Variants in DLG2 observed in about 807,000 individuals in gnomAD.
The protein encoded by DLG2 is discs large MAGUK scaffold protein 2.
In DLG2, 45 loss-of-function variants were observed where a neutral mutation model predicts 132.5. The observed-to-expected ratio is 0.34, with a 90% CI of 0.27 to 0.44. The LOEUF (loss-of-function observed/expected upper bound fraction) is 0.44, where lower values mean the gene tolerates loss of function less well. DLG2 is among the 20% of genes least tolerant of loss of function. DLG2 has a pLI of 1.00. For synonymous variants in DLG2, 424 were observed against 419.6 expected (o/e 1.01, Z -0.13); for missense variants, 1,045 against 1,196.9 (o/e 0.87, Z 1.87).
chr11:84,181,167 A>T (rs1345387321), intron 8 of DLG2, among the ~76,000 whole-genome samples: 2 of 151,808 alleles, frequency 1.3e-5, no homozygotes, highest in East Asian at 3.8e-4. Flanking sequence ...ACTTATAATC[A>T]TGTATGATTA....
rs187085911 is a variant in DLG2, at chr11:84,482,585, T to C, written c.519+51985A>G. On this transcript the variant is annotated intron_variant, in intron 7 of 27. Coordinates refer to ENST00000376104, the MANE Select transcript of DLG2 (RefSeq NM_001142699.3). ...ACTGTTGAGAGGTTACACAAGATCA[T>C]TAATGAGAAAGTACTTTGTAAATGT... Among the ~76,000 whole-genome samples the C allele has an allele frequency of 1.0e-3, 156 of 152,316 alleles. 1 individual carries two copies. The highest frequency in any genetic ancestry group is 3.4e-3 in the Middle Eastern group (1 of 294).
intron 6 of DLG2, among the ~76,000 whole-genome samples, chr11:84,664,795 T>G (rs147371921): frequency 5.3e-5 from 8 of 152,118 alleles, no homozygotes; most frequent in Admixed American, 5.2e-4. Context: ...TACAAAATAA[T>G]ATGAAGATGC....
chr11:85,499,697 A>T (rs77208683), intron 3 of DLG2, among the ~76,000 whole-genome samples: 1 of 152,222 alleles, frequency 6.6e-6, no homozygotes, highest in Non-Finnish European at 1.5e-5. Context: ...AAAATCCTCA[A>T]TAAAATACTG....
At chr11:85,080,297 CTTGT>C (rs770312074) in intron 6 of DLG2, among the ~76,000 whole-genome samples, 18 of 151,866 alleles carry the variant, frequency 1.2e-4, no homozygotes, top group African/African-American at 2.4e-4. Context: ...GTAATCTTTT[CTTGT>C]TTGTTTGTTT....
chr11:84,625,359 G>A (rs1225677333), intron 6 of DLG2, among the ~76,000 whole-genome samples: 2 of 152,134 alleles, frequency 1.3e-5, no homozygotes, highest in African/African-American at 2.4e-5. Flanking sequence ...TTACCAAGTG[G>A]CCGCTCCATT....
intron 11 of DLG2, among the ~76,000 whole-genome samples, chr11:84,032,855 T>A (rs1319460752): frequency 6.6e-6 from 1 of 152,102 alleles, no homozygotes; most frequent in Non-Finnish European, 1.5e-5. Flanking sequence ...CTGGAGCCCT[T>A]AAGAATTATG....
chr11:85,467,734 G>A (rs1033296523), intron 3 of DLG2, among the ~76,000 whole-genome samples: 8 of 152,070 alleles, frequency 5.3e-5, no homozygotes, highest in Non-Finnish European at 8.8e-5. Context: ...GAGGATTTTT[G>A]CATCGATGTT....
chr11:83,558,854 T>TGTGC (rs1223974271), intron 19 of DLG2, among the ~76,000 whole-genome samples: 1 of 134,482 alleles, frequency 7.4e-6, no homozygotes, highest in Non-Finnish European at 1.5e-5. Context: ...ATGTCGTGTG[T>TGTGC]GTGTGTGTGT....
chr11:84,593,038 G>A (rs1274002215), intron 6 of DLG2, among the ~76,000 whole-genome samples: 1 of 139,670 alleles, frequency 7.2e-6, no homozygotes, highest in Non-Finnish European at 1.5e-5. Flanking sequence ...AGAATCACTT[G>A]AACCCAGGAG....
At chr11:84,364,011 A>G (rs1044174347) in intron 7 of DLG2, among the ~76,000 whole-genome samples, 4 of 152,128 alleles carry the variant, frequency 2.6e-5, no homozygotes, top group Non-Finnish European at 5.9e-5. Flanking sequence ...TTGGTTCCAT[A>G]TGAACTTTAA....
intron 19 of DLG2, among the ~76,000 whole-genome samples, chr11:83,583,792 G>C (rs1435930705): frequency 4.6e-5 from 7 of 152,088 alleles, no homozygotes; most frequent in Non-Finnish European, 8.8e-5. Context: ...CATTAATAAA[G>C]TAATGAATGA....
intron 3 of DLG2, among the ~76,000 whole-genome samples, chr11:85,297,144 C>T (rs150847654): frequency 3.3e-5 from 5 of 152,104 alleles, no homozygotes; most frequent in African/African-American, 4.8e-5. Flanking sequence ...CCCCAACTTC[C>T]CCAATAACTA....
intron 8 of DLG2, among the ~76,000 whole-genome samples, chr11:84,237,430 T>C (rs529472540): frequency 6.6e-6 from 1 of 152,198 alleles, no homozygotes. Context: ...ATTTGACCTA[T>C]CTGAATTTGT....
chr11:84,490,886 CGTGT>C (rs113318666), intron 7 of DLG2, among the ~76,000 whole-genome samples: 18 of 147,940 alleles, frequency 1.2e-4, no homozygotes, highest in South Asian at 2.2e-4. Flanking sequence ...TGAATGGTTG[CGTGT>C]GTGTGTGTGT....
rs544518708 is a variant in DLG2, at chr11:85,054,262, T to TA, written c.357+57398dup. Among the ~76,000 whole-genome samples the TA allele has an allele frequency of 6.6e-3, 821 of 124,186 alleles. 4 individuals carry two copies. The highest frequency in any genetic ancestry group is 0.013 in the Middle Eastern group (3 of 236). 81.5% of individuals were successfully genotyped at this position (124,186 alleles called of 152,430 possible). ...CCTGGCGACAGAACGAGATTCCACC[T>TA]AAAAAAAAAAAAAAGAAAGAAAAGA... On this transcript the variant is annotated intron_variant, in intron 6 of 27. Coordinates refer to ENST00000376104, the MANE Select transcript of DLG2 (RefSeq NM_001142699.3).
intron 4 of DLG2, among the ~76,000 whole-genome samples, chr11:85,172,312 G>A (rs1211632301): frequency 6.6e-6 from 1 of 152,210 alleles, no homozygotes; most frequent in African/African-American, 2.4e-5. Flanking sequence ...TCCAGGTGCT[G>A]AAGGGAACAA....
intron 4 of DLG2, among the ~76,000 whole-genome samples, chr11:85,223,026 G>C (rs2074754017): frequency 6.6e-6 from 1 of 152,154 alleles, no homozygotes; most frequent in South Asian, 2.1e-4. Context: ...ACCTAAAGCA[G>C]CAGTCCAGGA....
At chr11:83,506,495 C>T (rs1258778253) in intron 21 of DLG2, among the ~76,000 whole-genome samples, 1 of 152,176 alleles carries the variant, frequency 6.6e-6, no homozygotes, top group Non-Finnish European at 1.5e-5. Context: ...GAAGTTTAGT[C>T]TAGTTATAGG....
intron 18 of DLG2, among the ~76,000 whole-genome samples, chr11:83,717,431 A>C (rs947405156): frequency 6.6e-6 from 1 of 152,224 alleles, no homozygotes; most frequent in Non-Finnish European, 1.5e-5. Flanking sequence ...CCACATCCTA[A>C]AAGTGGCCAC....
Sources: gnomAD v4.1 joint callset for allele counts (sites outside exome capture counted in the v4.1 genomes callset) on GRCh38, gnomAD v4.1.1 for gene constraint, MANE v1.5 for transcripts, NCBI Gene and HGNC (gene_info 2026-07-23, HGNC 2026-07-21) for gene names.